The following ADGRL3 variants were observed in gnomAD, a reference collection of about 807,000 sequenced individuals.
ADGRL3 encodes the protein adhesion G protein-coupled receptor L3.
In ADGRL3, 62 loss-of-function variants were observed where a neutral mutation model predicts 153.5. The observed-to-expected ratio is 0.40, with a 90% CI of 0.33 to 0.50. The LOEUF (loss-of-function observed/expected upper bound fraction) is 0.50. Among genes scored for constraint, ADGRL3 ranks in the 20% least tolerant of loss-of-function variants. The probability of loss-of-function intolerance (pLI) is 0.47; values close to 1 mark genes in which losing one functional copy is unlikely to be tolerated. For missense variants in ADGRL3, 1,641 were observed against 1,859.4 expected, an observed-to-expected ratio of 0.88 and a Z score of 2.16; for synonymous variants, 710 against 672.5, an observed-to-expected ratio of 1.06 and a Z score of -0.86.
intron 2 of ADGRL3, among the ~76,000 whole-genome samples, chr4:61,398,288 T>C (rs2096890891): frequency 6.6e-6 from 1 of 151,618 alleles, no homozygotes; most frequent in African/African-American, 2.4e-5. Context: ...TTTGGGTGAA[T>C]TGAAAAAAAA....
In ADGRL3 at chr4:61,205,747, T is replaced by C. The variant is rs188373108; in HGVS notation, c.-240+3982T>C. 4.6e-3 allele frequency among the ~76,000 whole-genome samples: 694 copies of C among 152,170 alleles called. 6 individuals are homozygous for C. Among genetic ancestry groups the C allele is most frequent in the African/African-American group, 0.016 (665 of 41,492 alleles). On this transcript the variant is annotated intron_variant, in intron 1 of 26. Transcript: ENST00000683033. Reference sequence around the variant, plus strand: ...CTGTGTTTTGTCGGGTAGGGTAGGGTGAAGGCTAGGGAGTTGTTGATCAAT... The same window carrying C: ...CTGTGTTTTGTCGGGTAGGGTAGGGCGAAGGCTAGGGAGTTGTTGATCAAT...
chr4:61,746,908 T>C (rs1229490887), intron 8 of ADGRL3, among the ~76,000 whole-genome samples: 1 of 152,034 alleles, frequency 6.6e-6, no homozygotes, highest in Non-Finnish European at 1.5e-5. Flanking sequence ...AAAAAATTAA[T>C]GAATCCAGGA....
intron 2 of ADGRL3, among the ~76,000 whole-genome samples, chr4:61,496,138 G>A (rs527932214): frequency 6.6e-6 from 1 of 152,264 alleles, no homozygotes; most frequent in Non-Finnish European, 1.5e-5. Context: ...GATTTACAGA[G>A]ATGTTTAGAA....
At chr4:61,479,819 C>T (rs2098113018) in intron 2 of ADGRL3, among the ~76,000 whole-genome samples, 1 of 151,846 alleles carries the variant, frequency 6.6e-6, no homozygotes, top group African/African-American at 2.4e-5. Flanking sequence ...TATTAGCATG[C>T]TTGTTATCTG....
intron 4 of ADGRL3, among the ~76,000 whole-genome samples, chr4:61,573,207 T>C (rs1048990945): frequency 3.9e-5 from 6 of 151,998 alleles, no homozygotes; most frequent in African/African-American, 1.4e-4. Context: ...TGTATGTCGC[T>C]TATATTGGCC....
intron 9 of ADGRL3, among the ~76,000 whole-genome samples, chr4:61,871,124 A>C (rs978242830): frequency 2.0e-5 from 3 of 152,046 alleles, no homozygotes; most frequent in Non-Finnish European, 4.4e-5. Flanking sequence ...TAAAAATACA[A>C]AAAATTAGCC....
chr4:61,440,677 T>C (rs748529855), intron 2 of ADGRL3, among the ~76,000 whole-genome samples: 1 of 28,418 alleles, frequency 3.5e-5, no homozygotes, highest in Non-Finnish European at 1.5e-4. Flanking sequence ...AGAATGCACA[T>C]GATACATCAC....
intron 5 of ADGRL3, among the ~76,000 whole-genome samples, chr4:61,596,017 G>A (rs2098987638): frequency 6.6e-6 from 1 of 152,126 alleles, no homozygotes; most frequent in Admixed American, 6.6e-5. Context: ...TGTGCCTCAT[G>A]ACCACAGCCG....
Position 61,291,611 on chromosome 4 carries a change from C to CATATATATATATAT in ADGRL3, c.-240+89848_-240+89861dup, listed in dbSNP as rs1352050467. ...ATATATATATATATATATACACACA[C>CATATATATATATAT]ATATATATATATATAAAATATTTAT... On this transcript the variant is annotated intron_variant, in intron 1 of 26. Coordinates refer to ENST00000683033, the MANE Select transcript of ADGRL3 (RefSeq NM_001387552.1). 1.1e-3 allele frequency among the ~76,000 whole-genome samples: 11 copies of CATATATATATATAT among 9,650 alleles called. No homozygotes were observed. In the East Asian group the frequency reaches 0.02, roughly 17 times the overall value. 6.3% of individuals were successfully genotyped at this position (9,650 alleles called of 152,430 possible).
intron 12 of ADGRL3, among the ~76,000 whole-genome samples, chr4:61,910,794 T>A (rs2098718472): frequency 6.6e-6 from 1 of 151,794 alleles, no homozygotes; most frequent in Non-Finnish European, 1.5e-5. Flanking sequence ...TTCTTCTGTG[T>A]CTTACTAGGG....
intron 4 of ADGRL3, among the ~76,000 whole-genome samples, chr4:61,522,653 A>G (rs1173485922): frequency 6.6e-6 from 1 of 152,122 alleles, no homozygotes; most frequent in African/African-American, 2.4e-5. Flanking sequence ...TGAGATCACT[A>G]ACTAGAGAAG....
chr4:61,613,412 T>G (rs1370675284), intron 5 of ADGRL3, among the ~76,000 whole-genome samples: 1 of 152,198 alleles, frequency 6.6e-6, no homozygotes, highest in African/African-American at 2.4e-5. Context: ...TTCACTGATG[T>G]TTTCTAAAAA....
At chr4:61,255,856 T>G (rs944812905) in intron 1 of ADGRL3, among the ~76,000 whole-genome samples, 3 of 152,256 alleles carry the variant, frequency 2.0e-5, no homozygotes, top group African/African-American at 7.2e-5. Flanking sequence ...CCCTAGTAAG[T>G]TGTTATGGAA....
At chr4:62,052,105 T>A (rs543672674) in intron 25 of ADGRL3, among the ~76,000 whole-genome samples, 221 of 151,720 alleles carry the variant, frequency 1.5e-3, no homozygotes, top group African/African-American at 5.2e-3. Flanking sequence ...GACACTGAGT[T>A]TCTTGGTAGT....
intron 1 of ADGRL3, among the ~76,000 whole-genome samples, chr4:61,328,753 G>T (rs956594255): frequency 6.6e-6 from 1 of 152,126 alleles, no homozygotes; most frequent in African/African-American, 2.4e-5. Flanking sequence ...AGGGATGTTA[G>T]ATGATACAAT....
At chr4:61,507,907 A>G (rs1254672123) in intron 3 of ADGRL3, among the ~76,000 whole-genome samples, 1 of 152,200 alleles carries the variant, frequency 6.6e-6, no homozygotes, top group African/African-American at 2.4e-5. Context: ...CTATAGTTGT[A>G]AAGATTTTTA....
chr4:61,399,132 G>A (rs1284872636), intron 2 of ADGRL3, among the ~76,000 whole-genome samples: 1 of 151,672 alleles, frequency 6.6e-6, no homozygotes, highest in Non-Finnish European at 1.5e-5. Context: ...GATGGAATCA[G>A]ACGTTACTAA....
intron 4 of ADGRL3, among the ~76,000 whole-genome samples, chr4:61,531,128 G>T (rs1398003944): frequency 6.6e-6 from 1 of 152,146 alleles, no homozygotes; most frequent in Non-Finnish European, 1.5e-5. Flanking sequence ...ATATTGTGAT[G>T]ATTATATTGG....
intron 1 of ADGRL3, among the ~76,000 whole-genome samples, chr4:61,363,834 A>G (rs2096339043): frequency 6.6e-6 from 1 of 152,106 alleles, no homozygotes; most frequent in Non-Finnish European, 1.5e-5. Context: ...AATTGAGGCA[A>G]AAGTACTTTA....
Sources: allele counts gnomAD v4.1 joint callset (sites outside exome capture counted in the v4.1 genomes callset), GRCh38; gene constraint gnomAD v4.1.1; transcripts MANE v1.5; gene names NCBI Gene and HGNC (gene_info 2026-07-23, HGNC 2026-07-21).